Variants in IL1RAPL1 observed in about 807,000 individuals in gnomAD.
IL1RAPL1 encodes interleukin-1 receptor accessory protein-like 1.
Under a neutral mutation model 48.4 loss-of-function variants are expected in IL1RAPL1, and 3 were observed. The observed-to-expected ratio is 0.06, with a 90% confidence interval of 0.03 to 0.16. The LOEUF (loss-of-function observed/expected upper bound fraction) is 0.16, where lower values mean the gene tolerates loss of function less well. Ranked by LOEUF, IL1RAPL1 falls within the 10% of genes least tolerant of loss-of-function variation. IL1RAPL1 has a pLI of 1.00. For missense variants in IL1RAPL1, 349 were observed against 530.6 expected (o/e 0.66, Z 3.36); for synonymous variants, 185 against 187.7 (o/e 0.99, Z 0.12).
chrX:29,425,012 G>A, intron 5 of IL1RAPL1, among the ~76,000 whole-genome samples: 1 of 111,678 alleles, frequency 9.0e-6, no homozygotes, highest in East Asian at 2.8e-4. Flanking sequence ...CAGAGTTTAA[G>A]TCACTTGATG....
intron 3 of IL1RAPL1, among the ~76,000 whole-genome samples, chrX:29,328,642 T>TATAG (rs1349588059): frequency 5.6e-4 from 58 of 103,988 alleles, no homozygotes; most frequent in African/African-American, 1.9e-3. Context: ...TATATATATA[T>TATAG]AGAGAGAGAG....
intron 3 of IL1RAPL1, among the ~76,000 whole-genome samples, chrX:29,385,111 G>A (rs1026106396): frequency 1.1e-4 from 12 of 111,446 alleles, no homozygotes; most frequent in Admixed American, 9.5e-4. Context: ...TCAGAGTGTT[G>A]TGCAACCATC....
chrX:28,837,872 AC>A (rs1921266239), intron 2 of IL1RAPL1, among the ~76,000 whole-genome samples: 1 of 107,025 alleles, frequency 9.3e-6, no homozygotes, highest in African/African-American at 3.4e-5. Context: ...CCCATCTCTT[AC>A]CCCTTGCAAA....
At chrX:29,439,994 TG>T (rs1934528582) in intron 5 of IL1RAPL1, among the ~76,000 whole-genome samples, 1 of 858 alleles carries the variant, frequency 1.2e-3, no homozygotes, top group Non-Finnish European at 2.3e-3. Flanking sequence ...TTGACACGTG[TG>T]TGTGTGTGTG....
intron 1 of IL1RAPL1, among the ~76,000 whole-genome samples, chrX:28,690,929 T>C (rs951362440): frequency 9.0e-6 from 1 of 111,442 alleles, no homozygotes; most frequent in African/African-American, 3.3e-5. Context: ...GCTATCACCC[T>C]ATTCCAAGCT....
rs139049384 is a variant in IL1RAPL1 at position 29,010,750 on chromosome X, G to A, written c.82+221325G>A. ...TTGTAATTAAGAGCTGATCCCTTGGGCTTAAACTGCCAGATCATGCCAAAG... is the reference window on the plus strand; with the variant it reads ...TTGTAATTAAGAGCTGATCCCTTGGACTTAAACTGCCAGATCATGCCAAAG... On this transcript the variant is annotated intron_variant, in intron 2 of 10. Transcript: ENST00000378993. Among the ~76,000 whole-genome samples, 625 of 111,342 alleles carry A rather than the reference G, an allele frequency of 5.6e-3. 3 individuals are homozygous for A. The highest frequency in any genetic ancestry group is 0.017 in the African/African-American group (537 of 30,707).
chrX:29,236,849 A>G lies in IL1RAPL1; in HGVS notation c.83-46089A>G, dbSNP rs12855021. ...CTCCCAAAGTGCTGGGATTACAGGC[A>G]TGAGCCACCGCACCTGGCCCCATTC... On this transcript the variant is annotated intron_variant, in intron 2 of 10. Coordinates refer to ENST00000378993, the MANE Select transcript of IL1RAPL1 (RefSeq NM_014271.4). Among the ~76,000 whole-genome samples, 703 of 108,960 alleles carry G rather than the reference A, an allele frequency of 6.5e-3. 3 individuals are homozygous for G. Among genetic ancestry groups the G allele is most frequent in the Middle Eastern group, 0.019 (4 of 211 alleles). The allele number at this position is 108,960 out of a possible 115,157, so 94.6% of individuals were successfully genotyped here.
intron 3 of IL1RAPL1, among the ~76,000 whole-genome samples, chrX:29,302,348 G>A (rs1932549081): frequency 8.9e-6 from 1 of 111,866 alleles, no homozygotes; most frequent in Admixed American, 9.5e-5. Context: ...GAAAAGAACA[G>A]AGTGTAATGG....
chrX:29,479,904 T>A (rs1935020447), intron 5 of IL1RAPL1, among the ~76,000 whole-genome samples: 1 of 111,597 alleles, frequency 9.0e-6, no homozygotes. Context: ...GCATTTTCTT[T>A]ATTCACTCGC....
intron 2 of IL1RAPL1, among the ~76,000 whole-genome samples, chrX:29,191,273 G>T (rs1302973206): frequency 1.8e-5 from 2 of 111,820 alleles, no homozygotes; most frequent in Non-Finnish European, 3.8e-5. Context: ...CGTATATAAT[G>T]TAATAAACAG....
intron 5 of IL1RAPL1, among the ~76,000 whole-genome samples, chrX:29,612,381 A>T (rs1010056436): frequency 7.3e-5 from 8 of 109,994 alleles, no homozygotes; most frequent in African/African-American, 2.3e-4. Flanking sequence ...TCTGAAGCCC[A>T]TCTATGGATG....
intron 6 of IL1RAPL1, among the ~76,000 whole-genome samples, chrX:29,871,162 G>A (rs1179502753): frequency 3.6e-5 from 4 of 111,534 alleles, no homozygotes; most frequent in Non-Finnish European, 7.5e-5. Context: ...TTTTTTCCAT[G>A]CTGTATCTCT....
At chrX:29,473,487 C>G (rs1390222987) in intron 5 of IL1RAPL1, among the ~76,000 whole-genome samples, 1 of 111,031 alleles carries the variant, frequency 9.0e-6, no homozygotes, top group Non-Finnish European at 1.9e-5. Flanking sequence ...GCCATCCACA[C>G]AGTAGCCTTC....
At position 29,114,777 on chromosome X, in the gene IL1RAPL1, C is replaced by G. The variant is rs867952058; in HGVS notation, c.83-168161C>G. 8.2e-5 allele frequency among the ~76,000 whole-genome samples: 9 copies of G among 110,152 alleles called. No homozygotes were observed. In the East Asian group the frequency reaches 8.6e-4, roughly 10 times the overall value. On this transcript the variant is annotated intron_variant, in intron 2 of 10. Coordinates refer to ENST00000378993, the MANE Select transcript of IL1RAPL1 (RefSeq NM_014271.4). ...CCCGAGTAGCTGGGATTACAGGCAT[C>G]TGCCACCACACCTGGCTAATTTTTG...
At chrX:28,705,215 A>G (rs767445470) in intron 1 of IL1RAPL1, among the ~76,000 whole-genome samples, 1 of 111,541 alleles carries the variant, frequency 9.0e-6, no homozygotes, top group Admixed American at 9.6e-5. Flanking sequence ...AGATAGTCCC[A>G]TTGTTTGTAA....
At chrX:29,060,851 A>G (rs754329227) in intron 2 of IL1RAPL1, among the ~76,000 whole-genome samples, 1 of 112,092 alleles carries the variant, frequency 8.9e-6, no homozygotes, top group Non-Finnish European at 1.9e-5. Context: ...TTACTGCTAA[A>G]ATTATTTTGA....
intron 3 of IL1RAPL1, among the ~76,000 whole-genome samples, chrX:29,364,799 A>G (rs1285086007): frequency 9.0e-6 from 1 of 110,895 alleles, no homozygotes; most frequent in Non-Finnish European, 1.9e-5. Context: ...ACACCATTTT[A>G]TAACAGGGAC....
At chrX:29,476,765 C>G (rs1038427712) in intron 5 of IL1RAPL1, among the ~76,000 whole-genome samples, 1 of 108,819 alleles carries the variant, frequency 9.2e-6, no homozygotes, top group Non-Finnish European at 1.9e-5. Context: ...CAAAAATACT[C>G]GAAAAAACAA....
intron 2 of IL1RAPL1, among the ~76,000 whole-genome samples, chrX:29,110,765 G>C (rs752051362): frequency 1.8e-5 from 2 of 111,267 alleles, no homozygotes; most frequent in East Asian, 2.8e-4. Context: ...TGAACTCTTT[G>C]CCAAAAACTT....
Sources: gnomAD v4.1 joint callset for allele counts (sites outside exome capture counted in the v4.1 genomes callset) on GRCh38, gnomAD v4.1.1 for gene constraint, MANE v1.5 for transcripts, NCBI Gene and HGNC (gene_info 2026-07-23, HGNC 2026-07-21) for gene names.